GREM2: variants seen among roughly 807,000 people sequenced by gnomAD.
GREM2 encodes gremlin 2, DAN family BMP antagonist.
In GREM2, 11 loss-of-function variants were observed where a neutral mutation model predicts 14.2. The observed-to-expected ratio is 0.78, with a 90% CI of 0.49 to 1.28. The LOEUF (loss-of-function observed/expected upper bound fraction) is 1.28. Among genes scored for constraint, GREM2 ranks in the 50% most tolerant of loss-of-function variants. The pLI, the probability that GREM2 is intolerant of heterozygous loss-of-function variation, is 0.00. For synonymous variants in GREM2, 98 were observed against 97.6 expected (o/e 1.00, Z -0.02); for missense variants, 210 against 218.5 (o/e 0.96, Z 0.24).
intron 1 of GREM2, among the ~76,000 whole-genome samples, chr1:240,606,920 C>T (rs1456405857): frequency 6.6e-6 from 1 of 152,078 alleles, no homozygotes; most frequent in African/African-American, 2.4e-5. Context: ...TCAAGTGATC[C>T]ACCCACCTCG....
intron 1 of GREM2, among the ~76,000 whole-genome samples, chr1:240,579,401 C>T (rs1679437276): frequency 6.6e-6 from 1 of 151,566 alleles, no homozygotes; most frequent in African/African-American, 2.4e-5. Flanking sequence ...CAAAACACCT[C>T]CTCAGTCTTA....
In GREM2 at chr1:240,492,507, AG is replaced by A; in HGVS notation, c.*461del. The stretch of plus-strand genomic sequence containing the variant: ...AATGAGCGCTCCCAGCCAGAGGTCC[AG>A]GGACCAGCAGGAGAGGTCTGAGGGG... On this transcript the variant is annotated 3_prime_UTR_variant, in exon 2 of 2. Transcript: ENST00000318160. 1 of 183,200 alleles carries A rather than the reference AG, an allele frequency of 5.5e-6. No homozygotes were observed. The highest frequency in any genetic ancestry group is 1.2e-5 in the Non-Finnish European group (1 of 84,376). The allele number at this position is 183,200 out of a possible 1,614,324, so 11.3% of individuals were successfully genotyped here. A position where few individuals can be genotyped will look rare whatever the true frequency, so the allele number is the denominator to read the frequency against.
intron 1 of GREM2, among the ~76,000 whole-genome samples, chr1:240,598,970 T>C (rs201480080): frequency 1.3e-5 from 2 of 152,008 alleles, no homozygotes; most frequent in East Asian, 3.9e-4. Context: ...CACTGATTCA[T>C]TCAATAAAGA....
intron 1 of GREM2, among the ~76,000 whole-genome samples, chr1:240,556,479 A>G (rs1678953644): frequency 6.6e-6 from 1 of 152,184 alleles, no homozygotes; most frequent in Admixed American, 6.5e-5. Context: ...TTTGAATACA[A>G]CCCACAAACT....
At chr1:240,531,727 TGAGACAG>T in intron 1 of GREM2, 1 of 876,022 alleles carries the variant, frequency 1.1e-6, no homozygotes, top group Non-Finnish European at 1.3e-6. Context: ...TTTTTTTTTT[TGAGACAG>T]TTTTGCTCTT....
chr1:240,499,829 GGCT>G (rs5782147), intron 1 of GREM2, among the ~76,000 whole-genome samples: 40,333 of 152,004 alleles, frequency 0.27, 5,667 homozygotes, highest in African/African-American at 0.36. Flanking sequence ...TTTAGTCTAT[GGCT>G]GCTGCTTTGG....
intron 1 of GREM2, among the ~76,000 whole-genome samples, chr1:240,526,414 A>G (rs1678222756): frequency 6.6e-6 from 1 of 152,212 alleles, no homozygotes; most frequent in Non-Finnish European, 1.5e-5. Context: ...TGCAGAAATC[A>G]AAGCAGCTCA....
intron 1 of GREM2, among the ~76,000 whole-genome samples, chr1:240,524,190 AT>A (rs1678170082): frequency 6.6e-6 from 1 of 152,128 alleles, no homozygotes; most frequent in South Asian, 2.1e-4. Context: ...CTAATTTTTT[AT>A]TTTTTGTAAA....
At chr1:240,524,198 T>G (rs1678170182) in intron 1 of GREM2, among the ~76,000 whole-genome samples, 1 of 152,188 alleles carries the variant, frequency 6.6e-6, no homozygotes, top group South Asian at 2.1e-4. Flanking sequence ...TTATTTTTTG[T>G]AAAGACAAAA....
chr1:240,578,353 T>A (rs1203474549), intron 1 of GREM2, among the ~76,000 whole-genome samples: 9 of 151,724 alleles, frequency 5.9e-5, no homozygotes, highest in Non-Finnish European at 1.5e-5. Context: ...CTTGAACTCC[T>A]GACCTCAAGT....
chr1:240,599,056 G>A (rs1220517536), intron 1 of GREM2, among the ~76,000 whole-genome samples: 1 of 152,034 alleles, frequency 6.6e-6, no homozygotes, highest in East Asian at 1.9e-4. Context: ...ATGACTCGAG[G>A]TCAGGAGTTT....
In GREM2 at chr1:240,580,501, G is replaced by A. The variant is rs571601391; in HGVS notation, c.-2+31383C>T. Among the ~76,000 whole-genome samples, 44 of 152,328 alleles carry A rather than the reference G, an allele frequency of 2.9e-4. No individual in the cohort carries two copies. In the South Asian group the frequency reaches 8.5e-3, roughly 29 times the overall value. On this transcript the variant is annotated intron_variant, in intron 1 of 1. Coordinates refer to ENST00000318160, the MANE Select transcript of GREM2 (RefSeq NM_022469.4). ...CTTGCTTTAACAAAAAGTTTATGGAGACACTTGCCTAATTTGTTAATTACT... is the reference window on the plus strand; with the variant it reads ...CTTGCTTTAACAAAAAGTTTATGGAAACACTTGCCTAATTTGTTAATTACT...
intron 1 of GREM2, among the ~76,000 whole-genome samples, chr1:240,527,192 C>T (rs1678244737): frequency 6.6e-6 from 1 of 151,676 alleles, no homozygotes; most frequent in African/African-American, 2.4e-5. Context: ...TCTCAGCAGC[C>T]CAGATATAAA....
intron 1 of GREM2, among the ~76,000 whole-genome samples, chr1:240,555,736 G>A (rs894665406): frequency 3.9e-5 from 6 of 152,152 alleles, no homozygotes; most frequent in African/African-American, 1.2e-4. Context: ...TCAATAATTT[G>A]AGAGTTTAAA....
intron 1 of GREM2, among the ~76,000 whole-genome samples, chr1:240,499,958 A>G (rs1375376703): frequency 1.3e-5 from 2 of 152,176 alleles, no homozygotes; most frequent in East Asian, 1.9e-4. Context: ...AACATTTTCT[A>G]TCCAATTCAA....
intron 1 of GREM2, among the ~76,000 whole-genome samples, chr1:240,563,252 A>G (rs1406572887): frequency 6.6e-6 from 1 of 151,850 alleles, no homozygotes; most frequent in African/African-American, 2.4e-5. Flanking sequence ...TATGCACAGG[A>G]ACATATTTGT....
chr1:240,527,206 C>A (rs1026620343), intron 1 of GREM2, among the ~76,000 whole-genome samples: 1 of 148,270 alleles, frequency 6.7e-6, no homozygotes, highest in South Asian at 2.2e-4. Flanking sequence ...ATATAAAATG[C>A]CATTAATTCT....
intron 1 of GREM2, among the ~76,000 whole-genome samples, chr1:240,526,676 T>C (rs1160066643): frequency 1.3e-5 from 2 of 152,238 alleles, no homozygotes; most frequent in Non-Finnish European, 2.9e-5. Context: ...TCTCCGTGCT[T>C]ACGTGGACGT....
At chr1:240,544,070 C>G (rs945608742) in intron 1 of GREM2, among the ~76,000 whole-genome samples, 1 of 151,850 alleles carries the variant, frequency 6.6e-6, no homozygotes, top group African/African-American at 2.4e-5. Context: ...TGTATAGACA[C>G]TGTACTAGCT....
Sources: gnomAD v4.1 joint callset for allele counts (sites outside exome capture counted in the v4.1 genomes callset) on GRCh38, gnomAD v4.1.1 for gene constraint, MANE v1.5 for transcripts, NCBI Gene and HGNC (gene_info 2026-07-23, HGNC 2026-07-21) for gene names.